Variants in BBS9 observed in about 807,000 individuals in gnomAD.
BBS9 encodes the protein protein PTHB1.
A neutral mutation model predicts 117.7 loss-of-function variants in BBS9; 89 were observed. The observed-to-expected ratio is 0.76, with a 90% confidence interval of 0.64 to 0.90. The LOEUF is 0.90. Ranked by LOEUF, BBS9 falls within the 40% of genes least tolerant of loss-of-function variation. The pLI is 0.00. For missense variants in BBS9, 982 were observed against 1,042.2 expected (o/e 0.94, Z 0.80); for synonymous variants, 379 against 370.9 (o/e 1.02, Z -0.25).
At chr7:33,182,259 T>C (rs1798204050) in intron 5 of BBS9, among the ~76,000 whole-genome samples, 2 of 152,222 alleles carry the variant, frequency 1.3e-5, no homozygotes, top group Non-Finnish European at 1.5e-5. Flanking sequence ...CTCAATTATA[T>C]GTTACACTGT....
intron 21 of BBS9, among the ~76,000 whole-genome samples, chr7:33,562,847 C>G (rs1256852858): frequency 6.6e-6 from 1 of 152,040 alleles, no homozygotes; most frequent in Non-Finnish European, 1.5e-5. Context: ...TCACTTGAAC[C>G]CAGGAGGTGG....
intron 9 of BBS9, among the ~76,000 whole-genome samples, chr7:33,295,597 C>G (rs571264757): frequency 4.7e-4 from 71 of 151,864 alleles, no homozygotes; most frequent in Non-Finnish European, 8.3e-4. Context: ...CAAAAAAACA[C>G]AGTTCCAGAT....
intron 21 of BBS9, among the ~76,000 whole-genome samples, chr7:33,597,868 A>G (rs1353988807): frequency 3.5e-5 from 5 of 142,168 alleles, no homozygotes; most frequent in Non-Finnish European, 7.7e-5. Flanking sequence ...AAGTGCATGT[A>G]TACCAAAAAA....
At chr7:33,412,334 A>G (rs996066430) in intron 19 of BBS9, among the ~76,000 whole-genome samples, 1 of 152,234 alleles carries the variant, frequency 6.6e-6, no homozygotes, top group Non-Finnish European at 1.5e-5. Flanking sequence ...AGTGCTTAAC[A>G]TAGAGCCTGG....
chr7:33,190,620 T>A (rs571378863), intron 5 of BBS9, among the ~76,000 whole-genome samples: 3 of 152,200 alleles, frequency 2.0e-5, no homozygotes, highest in Non-Finnish European at 4.4e-5. Flanking sequence ...GATAGGCTAT[T>A]TCCTTCTGGT....
chr7:33,632,061 ATTGT>A (rs1020515744), intron 21 of BBS9, among the ~76,000 whole-genome samples: 5 of 152,244 alleles, frequency 3.3e-5, no homozygotes, highest in African/African-American at 1.2e-4. Flanking sequence ...TAGGGAAGAA[ATTGT>A]TTGCGGGCCA....
intron 6 of BBS9, among the ~76,000 whole-genome samples, chr7:33,261,620 G>A (rs969465205): frequency 2.0e-5 from 3 of 152,288 alleles, no homozygotes; most frequent in African/African-American, 4.8e-5. Context: ...GAAAATAAAT[G>A]ATTTTGGAGG....
chr7:33,429,480 G>A (rs1418275844), intron 19 of BBS9, among the ~76,000 whole-genome samples: 5 of 152,036 alleles, frequency 3.3e-5, no homozygotes, highest in African/African-American at 1.2e-4. Context: ...TTTGAGTATG[G>A]CTTTGCCAAC....
chr7:33,323,895 T>C (rs1433978262), intron 9 of BBS9, among the ~76,000 whole-genome samples: 1 of 144,384 alleles, frequency 6.9e-6, no homozygotes, highest in African/African-American at 2.6e-5. Flanking sequence ...TGGAGTGCAG[T>C]GGCATGATCT....
intron 21 of BBS9, among the ~76,000 whole-genome samples, chr7:33,620,706 A>G (rs1226625721): frequency 1.3e-5 from 2 of 152,202 alleles, no homozygotes; most frequent in Non-Finnish European, 1.5e-5. Context: ...TCAAAATTCC[A>G]GTGACGTTTT....
chr7:33,298,587 G>A lies in BBS9; in HGVS notation c.1016+24631G>A, dbSNP rs566586964. The stretch of plus-strand genomic sequence containing the variant: ...TGAATGATATCTCTCTTGAAAGACT[G>A]GGCCCAAGATAGCAAAGCTAGGCAA... On this transcript the variant is annotated intron_variant, in intron 9 of 22. Transcript: ENST00000242067. Among the ~76,000 whole-genome samples the A allele has an allele frequency of 2.0e-5, 3 of 152,240 alleles. 1 individual carries two copies. The South Asian group carries it at 6.2e-4, about 32-fold the overall frequency.
At chr7:33,559,131 G>A (rs1055035301) in intron 21 of BBS9, among the ~76,000 whole-genome samples, 11 of 152,156 alleles carry the variant, frequency 7.2e-5, no homozygotes, top group Non-Finnish European at 1.6e-4. Context: ...TGGTGAAAAT[G>A]ATCATCAGCA....
At chr7:33,303,522 T>TTCC (rs1806961766) in intron 9 of BBS9, among the ~76,000 whole-genome samples, 1 of 77,028 alleles carries the variant, frequency 1.3e-5, no homozygotes, top group Non-Finnish European at 2.4e-5. Context: ...AATGATCCCC[T>TTCC]CCCCCCGCCC....
intron 11 of BBS9, among the ~76,000 whole-genome samples, chr7:33,344,078 G>GTTTTTTTTTTTTTTTTTTTTTTTTTT (rs34530007): frequency 3.0e-5 from 2 of 67,468 alleles, no homozygotes; most frequent in African/African-American, 6.6e-5. Flanking sequence ...TAGGGGATGA[G>GTTTTTTTTTTTTTTTTTTTTTTTTTT]TTTTTTTTTT....
intron 11 of BBS9, 106 bp downstream of exon 11, chr7:33,341,079 C>T (rs1816441871): frequency 1.1e-6 from 1 of 905,852 alleles, no homozygotes; most frequent in Admixed American, 1.9e-5. Flanking sequence ...GTAGACACTT[C>T]AGGGAGGATA....
intron 16 of BBS9, among the ~76,000 whole-genome samples, chr7:33,367,092 T>G (rs2128712761): frequency 6.6e-6 from 1 of 152,364 alleles, no homozygotes; most frequent in South Asian, 2.1e-4. Context: ...TCACACTTTC[T>G]TCATTTTTTA....
intron 5 of BBS9, among the ~76,000 whole-genome samples, chr7:33,246,349 A>C (rs1462822348): frequency 6.6e-6 from 1 of 151,848 alleles, no homozygotes; most frequent in Non-Finnish European, 1.5e-5. Flanking sequence ...GTTCAGTGTA[A>C]ACTAAGGTTT....
intron 19 of BBS9, among the ~76,000 whole-genome samples, chr7:33,400,518 C>G (rs1182633226): frequency 6.6e-6 from 1 of 152,084 alleles, no homozygotes; most frequent in Non-Finnish European, 1.5e-5. Flanking sequence ...GCGATTATTA[C>G]AACCCTTATA....
intron 21 of BBS9, among the ~76,000 whole-genome samples, chr7:33,629,627 A>G (rs964821395): frequency 6.6e-6 from 1 of 152,206 alleles, no homozygotes; most frequent in Admixed American, 6.5e-5. Flanking sequence ...GACACATAGT[A>G]GGAGCTCAAG....
Sources: allele counts gnomAD v4.1 joint callset (sites outside exome capture counted in the v4.1 genomes callset), GRCh38; gene constraint gnomAD v4.1.1; transcripts MANE v1.5; gene names NCBI Gene and HGNC (gene_info 2026-07-23, HGNC 2026-07-21).